Variants in PVT1 observed in about 807,000 individuals in gnomAD.
PVT1 encodes CXCR4/PVT1 fusion.
At chr8:128,067,772 T>C (rs1295577192) in intron 4 of PVT1, among the ~76,000 whole-genome samples, 1 of 152,068 alleles carries the variant, frequency 6.6e-6, no homozygotes, top group Non-Finnish European at 1.5e-5. Context: ...GGAGGAGTGA[T>C]GTGGGGCCTC....
At chr8:127,941,222 T>C (rs1226733350) in intron 3 of PVT1, among the ~76,000 whole-genome samples, 1 of 152,238 alleles carries the variant, frequency 6.6e-6, no homozygotes, top group Non-Finnish European at 1.5e-5. Context: ...CTCTGTGATC[T>C]CAGCTAGAAA....
intron 4 of PVT1, among the ~76,000 whole-genome samples, chr8:128,057,249 G>A (rs1008112288): frequency 2.2e-4 from 33 of 151,516 alleles, no homozygotes; most frequent in South Asian, 4.2e-4. Context: ...GTATACAAAC[G>A]TTGCTTTTCT....
chr8:127,887,998 T>C (rs1249606410), intron 2 of PVT1, among the ~76,000 whole-genome samples: 1 of 121,454 alleles, frequency 8.2e-6, no homozygotes, highest in African/African-American at 3.1e-5. Context: ...TAGAGTGCAG[T>C]GGCATGATCT....
chr8:127,850,607 G>A (rs1238933416), intron 2 of PVT1, among the ~76,000 whole-genome samples: 39 of 152,192 alleles, frequency 2.6e-4, no homozygotes, highest in Admixed American at 2.5e-3. Context: ...CATAATTGGT[G>A]TCTGCACATG....
At chr8:127,981,458 C>T (rs952254488) in intron 3 of PVT1, among the ~76,000 whole-genome samples, 1 of 152,178 alleles carries the variant, frequency 6.6e-6, no homozygotes, top group Non-Finnish European at 1.5e-5. Flanking sequence ...GCACAAGTCA[C>T]CCAAGTGATC....
At chr8:128,039,145 C>G (rs765238089) in intron 4 of PVT1, among the ~76,000 whole-genome samples, 3 of 152,184 alleles carry the variant, frequency 2.0e-5, no homozygotes, top group Non-Finnish European at 4.4e-5. Flanking sequence ...TGCCTTGGTT[C>G]CCTGTGAGTC....
intron 3 of PVT1, among the ~76,000 whole-genome samples, chr8:127,901,266 C>G (rs1815755006): frequency 6.6e-6 from 1 of 152,092 alleles, no homozygotes; most frequent in Non-Finnish European, 1.5e-5. Context: ...GAGGGGCTGG[C>G]TGGAGTCTGG....
intron 4 of PVT1, among the ~76,000 whole-genome samples, chr8:127,997,524 G>A (rs1194299229): frequency 1.3e-5 from 2 of 152,200 alleles, no homozygotes; most frequent in Non-Finnish European, 2.9e-5. Context: ...AAAAATTGAA[G>A]GAAATATTCC....
intron 3 of PVT1, among the ~76,000 whole-genome samples, chr8:127,905,142 C>T (rs1239016591): frequency 4.6e-5 from 7 of 152,226 alleles, no homozygotes; most frequent in African/African-American, 7.2e-5. Context: ...TACACAAATG[C>T]TCAGATGAAT....
chr8:128,013,034 G>A (rs10089589), intron 4 of PVT1, among the ~76,000 whole-genome samples: 97,417 of 151,962 alleles, frequency 0.64, 31,581 homozygotes, highest in East Asian at 0.71. Context: ...GCTCTGTGCC[G>A]ATTGCTTTTG....
At chr8:127,834,961 G>A (rs1278752878) in intron 2 of PVT1, among the ~76,000 whole-genome samples, 1 of 152,198 alleles carries the variant, frequency 6.6e-6, no homozygotes, top group Non-Finnish European at 1.5e-5. Context: ...TGCTGGAGAG[G>A]ATGTGGAGAA....
intron 6 of PVT1, chr8:128,101,210 C>A (rs3901778): frequency 6.6e-6 from 1 of 152,072 alleles, no homozygotes; most frequent in African/African-American, 2.4e-5. Context: ...TCATCGCCCA[C>A]GTGGCGTGGC....
intron 2 of PVT1, among the ~76,000 whole-genome samples, chr8:127,883,630 AT>A (rs1268351392): frequency 2.0e-5 from 3 of 152,014 alleles, no homozygotes; most frequent in African/African-American, 4.8e-5. Context: ...ATAAAAAAAA[AT>A]AAAATTAAAA....
intron 3 of PVT1, among the ~76,000 whole-genome samples, chr8:127,946,163 GA>G (rs1242297682): frequency 1.3e-5 from 2 of 152,210 alleles, no homozygotes; most frequent in African/African-American, 4.8e-5. Flanking sequence ...AACTTAGGGC[GA>G]TTGGCCTTTC....
chr8:127,822,605 A>C (rs1247731014), intron 2 of PVT1, among the ~76,000 whole-genome samples: 1 of 152,172 alleles, frequency 6.6e-6, no homozygotes, highest in African/African-American at 2.4e-5. Flanking sequence ...AAATAAATTC[A>C]ATGCAGTGAT....
intron 4 of PVT1, among the ~76,000 whole-genome samples, chr8:128,004,938 C>T (rs34521819): frequency 0.65 from 98,768 of 151,714 alleles, 32,584 homozygotes; most frequent in African/African-American, 0.74. Context: ...GTTGGGAGTT[C>T]AAGACCAACC....
chr8:128,006,502 G>A (rs892300282), intron 4 of PVT1, among the ~76,000 whole-genome samples: 2 of 151,566 alleles, frequency 1.3e-5, no homozygotes, highest in African/African-American at 4.8e-5. Flanking sequence ...TTTTTTTTCT[G>A]TGTAATGAAT....
chr8:127,978,867 T>C (rs1816852904), intron 3 of PVT1, among the ~76,000 whole-genome samples: 1 of 152,258 alleles, frequency 6.6e-6, no homozygotes, highest in African/African-American at 2.4e-5. Context: ...CATAACTCAG[T>C]GTATTCTTGA....
intron 3 of PVT1, among the ~76,000 whole-genome samples, chr8:127,949,115 G>A (rs2129922867): frequency 6.6e-6 from 1 of 152,322 alleles, no homozygotes; most frequent in South Asian, 2.1e-4. Context: ...TTACAGGTGA[G>A]GAGAGTGGAG....
Sources: allele counts gnomAD v4.1 joint callset (sites outside exome capture counted in the v4.1 genomes callset), GRCh38; gene constraint gnomAD v4.1.1; transcripts MANE v1.5; gene names NCBI Gene and HGNC (gene_info 2026-07-23, HGNC 2026-07-21).